The following KAZN variants were observed in gnomAD, a reference collection of about 807,000 sequenced individuals.
KAZN encodes the protein kazrin, periplakin interacting protein.
In KAZN, 40 loss-of-function variants were observed where a neutral mutation model predicts 87.4. The observed-to-expected ratio is 0.46, with a 90% confidence interval of 0.36 to 0.60. The LOEUF (loss-of-function observed/expected upper bound fraction) is 0.60. Among genes scored for constraint, KAZN ranks in the 20% least tolerant of loss-of-function variants. The pLI is 0.00. For missense variants in KAZN, 898 were observed against 1,073.9 expected (o/e 0.84, Z 2.29); for synonymous variants, 466 against 458.3 (o/e 1.02, Z -0.22).
chr1:14,278,989 A>T (rs1263890135), intron 2 of KAZN, among the ~76,000 whole-genome samples: 1 of 136,736 alleles, frequency 7.3e-6, no homozygotes, highest in Admixed American at 8.4e-5. Flanking sequence ...TGCGTCAATC[A>T]GGAGGTAGAT....
chr1:14,651,697 C>T (rs1266139378), intron 1 of KAZN, among the ~76,000 whole-genome samples: 1 of 152,096 alleles, frequency 6.6e-6, no homozygotes, highest in Non-Finnish European at 1.5e-5. Flanking sequence ...GGGCTTTTTT[C>T]CCCCCACGAG....
At chr1:14,705,898 C>A (rs192382609) in intron 1 of KAZN, among the ~76,000 whole-genome samples, 1 of 152,278 alleles carries the variant, frequency 6.6e-6, no homozygotes, top group Non-Finnish European at 1.5e-5. Flanking sequence ...AGACTGGTAC[C>A]AGTCCATGGC....
At chr1:14,415,064 G>A (rs1384221545) in intron 2 of KAZN, among the ~76,000 whole-genome samples, 1 of 152,072 alleles carries the variant, frequency 6.6e-6, no homozygotes, top group Non-Finnish European at 1.5e-5. Flanking sequence ...TACAAAAAAG[G>A]AACACAGAGG....
At chr1:14,043,390 C>T (rs943891566) in intron 1 of KAZN, among the ~76,000 whole-genome samples, 28 of 152,106 alleles carry the variant, frequency 1.8e-4, no homozygotes, top group African/African-American at 5.6e-4. Flanking sequence ...ATAATTATGC[C>T]GTAAACGTGG....
intron 1 of KAZN, among the ~76,000 whole-genome samples, chr1:13,961,834 A>G (rs1641764616): frequency 6.6e-6 from 1 of 152,172 alleles, no homozygotes; most frequent in Admixed American, 6.5e-5. Flanking sequence ...CACACTTGGA[A>G]ATGCTTCAAT....
intron 1 of KAZN, among the ~76,000 whole-genome samples, chr1:14,738,494 A>G (rs565700604): frequency 3.1e-4 from 47 of 152,202 alleles, no homozygotes; most frequent in African/African-American, 1.1e-3. Context: ...GTCTCCAAGC[A>G]TCCAATTAAT....
chr1:13,904,307 T>C (rs1412708318), intron 1 of KAZN, among the ~76,000 whole-genome samples: 1 of 152,122 alleles, frequency 6.6e-6, no homozygotes, highest in Non-Finnish European at 1.5e-5. Context: ...TCATGCCTCC[T>C]CCCTTCCATT....
intron 1 of KAZN, among the ~76,000 whole-genome samples, chr1:14,943,713 T>TG: frequency 6.6e-6 from 1 of 152,286 alleles, no homozygotes; most frequent in Non-Finnish European, 1.5e-5. Flanking sequence ...ATGCCTTGCT[T>TG]GGAGATGTGT....
intron 1 of KAZN, among the ~76,000 whole-genome samples, chr1:14,779,839 A>C (rs1349115860): frequency 1.3e-5 from 2 of 152,244 alleles, no homozygotes; most frequent in African/African-American, 4.8e-5. Context: ...AGTGACACGT[A>C]AACAAGACAC....
In KAZN at chr1:14,580,344, G is replaced by A. The variant is rs116100114; in HGVS notation, c.250-18639G>A. Among the ~76,000 whole-genome samples, 1,394 of 152,118 alleles carry A rather than the reference G, an allele frequency of 9.2e-3. 12 individuals carry two copies. The highest frequency in any genetic ancestry group is 0.031 in the Middle Eastern group (9 of 294). ...TACAAAATTAGCCGAGCGTGGTGTC[G>A]CGTGCCTGTAATCCCAGCTACTCGG... is the stretch of plus-strand genomic sequence containing the variant. On this transcript the variant is annotated intron_variant, in intron 2 of 16. Coordinates refer to the KAZN transcript ENST00000636203.
At chr1:14,220,683 G>A (rs1428636871) in intron 2 of KAZN, among the ~76,000 whole-genome samples, 1 of 152,112 alleles carries the variant, frequency 6.6e-6, no homozygotes, top group Non-Finnish European at 1.5e-5. Context: ...ATGAATATTA[G>A]AATTAATGCA....
At chr1:15,036,231 T>TCCCCC (rs1672256103) in intron 3 of KAZN, among the ~76,000 whole-genome samples, 1 of 100,986 alleles carries the variant, frequency 9.9e-6, no homozygotes, top group Admixed American at 1.1e-4. Flanking sequence ...TCTCCCCCCA[T>TCCCCC]CCCCCTCTGC....
At chr1:14,259,997 G>T (rs1260055317) in intron 2 of KAZN, among the ~76,000 whole-genome samples, 1 of 152,144 alleles carries the variant, frequency 6.6e-6, no homozygotes, top group Non-Finnish European at 1.5e-5. Context: ...CGGGGTTGTG[G>T]ACTCTTTTAT....
At chr1:14,077,039 T>G (rs1643488310) in intron 1 of KAZN, among the ~76,000 whole-genome samples, 1 of 152,178 alleles carries the variant, frequency 6.6e-6, no homozygotes, top group Non-Finnish European at 1.5e-5. Context: ...AGCCCTAATT[T>G]TACTTCCTGA....
At position 15,060,552 on chromosome 1, in the gene KAZN, G is replaced by A. The variant is rs116316473; in HGVS notation, c.1047+250G>A. On this transcript the variant is annotated intron_variant, in intron 6 of 14. Coordinates refer to ENST00000376030, the MANE Select transcript of KAZN (RefSeq NM_201628.3). The stretch of plus-strand genomic sequence containing the variant: ...ATCCAGAGGAAGCGGGCCTGGGTCG[G>A]CCGCAGGCACAGCCTGGAACTCTGC... The A allele has an allele frequency of 7.7e-3, 3,990 of 518,020 alleles. 26 individuals carry two copies. The highest frequency in any genetic ancestry group is 0.011 in the Non-Finnish European group (3,072 of 289,378). 32.1% of individuals were successfully genotyped at this position (518,020 alleles called of 1,614,324 possible). A position where few individuals can be genotyped will look rare whatever the true frequency, so the allele number is the denominator to read the frequency against.
chr1:14,864,068 G>A (rs944138704), intron 1 of KAZN, among the ~76,000 whole-genome samples: 2 of 152,140 alleles, frequency 1.3e-5, no homozygotes, highest in African/African-American at 2.4e-5. Context: ...AAATCAGCTC[G>A]ACTCAGTGAG....
At chr1:14,610,059 C>T (rs1677693377) in intron 1 of KAZN, among the ~76,000 whole-genome samples, 1 of 152,260 alleles carries the variant, frequency 6.6e-6, no homozygotes, top group African/African-American at 2.4e-5. Flanking sequence ...CCCTCATACT[C>T]TGAGCCTCCT....
At chr1:14,671,773 T>A (rs962678671) in intron 1 of KAZN, among the ~76,000 whole-genome samples, 1 of 152,256 alleles carries the variant, frequency 6.6e-6, no homozygotes, top group Non-Finnish European at 1.5e-5. Context: ...TTTTCTTTTT[T>A]AACCTCATTT....
intron 1 of KAZN, among the ~76,000 whole-genome samples, chr1:14,138,785 C>A (rs557717261): frequency 6.6e-6 from 1 of 152,308 alleles, no homozygotes; most frequent in Admixed American, 6.5e-5. Context: ...CATCTCGACT[C>A]CCACTAGTGG....
Sources: gnomAD v4.1 joint callset for allele counts (sites outside exome capture counted in the v4.1 genomes callset) on GRCh38, gnomAD v4.1.1 for gene constraint, MANE v1.5 for transcripts, NCBI Gene and HGNC (gene_info 2026-07-23, HGNC 2026-07-21) for gene names.